The following SNRNP40 variants were observed in gnomAD, a reference collection of about 807,000 sequenced individuals.
The protein encoded by SNRNP40 is small nuclear ribonucleoprotein U5 subunit 40.
In SNRNP40, 21 loss-of-function variants were observed where a neutral mutation model predicts 45.8. That is an observed-to-expected ratio of 0.46 (90% CI 0.32 to 0.66). The LOEUF is 0.66. SNRNP40 is among the 30% of genes least tolerant of loss of function. SNRNP40 has a pLI of 0.03. For synonymous variants in SNRNP40, 142 were observed against 163.8 expected (o/e 0.87, Z 1.01); for missense variants, 344 against 439.1 (o/e 0.78, Z 1.94).
intron 8 of SNRNP40, among the ~76,000 whole-genome samples, chr1:31,264,154 T>C (rs1448220207): frequency 6.6e-6 from 1 of 152,164 alleles, no homozygotes; most frequent in Non-Finnish European, 1.5e-5. Flanking sequence ...GATTATAAAA[T>C]GCCTAGTTCT....
intron 5 of SNRNP40, among the ~76,000 whole-genome samples, chr1:31,273,116 A>G (rs1279979967): frequency 6.6e-6 from 1 of 152,308 alleles, no homozygotes; most frequent in South Asian, 2.1e-4. Context: ...TCATTTTTTT[A>G]TATCAAGATG....
intron 4 of SNRNP40, chr1:31,282,551 C>T (rs1026636550): frequency 6.0e-5 from 9 of 149,688 alleles, no homozygotes; most frequent in African/African-American, 2.0e-4. Context: ...CTCCCTCTGT[C>T]GCCTAGGCTA....
chr1:31,266,722 C>G (rs1480547657), intron 8 of SNRNP40, among the ~76,000 whole-genome samples: 1 of 152,226 alleles, frequency 6.6e-6, no homozygotes, highest in African/African-American at 2.4e-5. Flanking sequence ...AACCCAGACA[C>G]AGCTCTGAAT....
chr1:31,260,833 A>C, intron 9 of SNRNP40: 1 of 405,422 alleles, frequency 2.5e-6, no homozygotes, highest in Non-Finnish European at 3.6e-6. Flanking sequence ...ACTGCACTCC[A>C]GCCTGGGCGA....
chr1:31,292,019 T>C lies in SNRNP40; in HGVS notation c.272-13A>G, dbSNP rs899398219. 6.5e-7 allele frequency: 1 copy of C among 1,545,734 alleles called. No individual in the cohort carries two copies. The highest frequency in any genetic ancestry group is 1.7e-5 in the Admixed American group (1 of 59,920). ...ACATTCCACAGTACTGTTAGGGAGA[T>C]GGGTTCTGTGAGCATTACTAGGCAA... On this transcript the variant is annotated splice_polypyrimidine_tract_variant and intron_variant, in intron 2 of 9. Transcript: ENST00000263694.
At chr1:31,271,055 T>C (rs1645934526) in intron 6 of SNRNP40, among the ~76,000 whole-genome samples, 1 of 152,220 alleles carries the variant, frequency 6.6e-6, no homozygotes, top group Admixed American at 6.5e-5. Flanking sequence ...TTGAATAGAC[T>C]TCTAGATTCA....
intron 5 of SNRNP40, 38 bp downstream of exon 5, chr1:31,281,336 T>G: frequency 6.5e-7 from 1 of 1,527,412 alleles, no homozygotes; most frequent in Non-Finnish European, 9.0e-7. Flanking sequence ...TAAGTGCAGA[T>G]AGATGAAATG....
rs192599876 is a variant in SNRNP40, at chr1:31,281,500, A to C, written c.532-4T>G. The C allele has an allele frequency of 1.6e-4, 250 of 1,601,678 alleles. 1 individual carries two copies. The African/African-American group carries it at 3.0e-3, about 19-fold the overall frequency. On this transcript the variant is annotated splice_polypyrimidine_tract_variant and splice_region_variant and intron_variant, in intron 4 of 9. Transcript: ENST00000263694. ...CTTTCTTCCGGATGTCCCAAAGCTG[A>C]AGCAAAGGACAAGACAGTCTATCAG... is the stretch of plus-strand genomic sequence containing the variant.
At chr1:31,262,644 G>A (rs550133051) in intron 8 of SNRNP40, among the ~76,000 whole-genome samples, 4 of 151,202 alleles carry the variant, frequency 2.6e-5, no homozygotes, top group Admixed American at 6.6e-5. Flanking sequence ...CATCAACGGC[G>A]TAACTAAAAT....
intron 5 of SNRNP40, among the ~76,000 whole-genome samples, chr1:31,274,204 C>T (rs1380972597): frequency 1.3e-5 from 2 of 152,016 alleles, no homozygotes; most frequent in African/African-American, 4.8e-5. Flanking sequence ...ATGAGACATT[C>T]AGTTGTATAT....
intron 8 of SNRNP40, among the ~76,000 whole-genome samples, chr1:31,266,273 T>G (rs1383337261): frequency 2.0e-5 from 3 of 152,220 alleles, no homozygotes; most frequent in Non-Finnish European, 4.4e-5. Context: ...CTGAAAGCCC[T>G]GGCTAGCCCA....
At chr1:31,292,942 A>G in intron 2 of SNRNP40, 1 of 424,896 alleles carries the variant, frequency 2.4e-6, no homozygotes. Flanking sequence ...GTGCCTTGGT[A>G]AATTAGCTGG....
intron 3 of SNRNP40, among the ~76,000 whole-genome samples, chr1:31,290,038 C>T (rs748199381): frequency 2.0e-5 from 3 of 152,022 alleles, no homozygotes; most frequent in Non-Finnish European, 2.9e-5. Context: ...TTTTAAAAAT[C>T]ATTTGTAGAG....
chr1:31,286,564 T>G (rs1403476504), intron 4 of SNRNP40, among the ~76,000 whole-genome samples: 2 of 152,176 alleles, frequency 1.3e-5, no homozygotes, highest in African/African-American at 4.8e-5. Flanking sequence ...TCAGACTCCC[T>G]ACACCAAATC....
chr1:31,289,227 ACTG>A, intron 4 of SNRNP40, 24 bp downstream of exon 4: 1 of 1,609,040 alleles, frequency 6.2e-7, no homozygotes, highest in Non-Finnish European at 8.5e-7. Context: ...CACCTCAGAA[ACTG>A]GAACACGGAG....
intron 1 of SNRNP40, among the ~76,000 whole-genome samples, chr1:31,293,672 C>T (rs1646122272): frequency 6.6e-6 from 1 of 152,154 alleles, no homozygotes; most frequent in South Asian, 2.1e-4. Flanking sequence ...GCTTCAAACT[C>T]CTTGGCTCAA....
At chr1:31,263,913 TAAAAAAAAA>T (rs11419603) in intron 8 of SNRNP40, among the ~76,000 whole-genome samples, 1 of 107,008 alleles carries the variant, frequency 9.3e-6, no homozygotes, top group Non-Finnish European at 1.8e-5. Flanking sequence ...ATGTACTGGC[TAAAAAAAAA>T]AAAAAAAAAA....
At chr1:31,291,072 T>C (rs1646102840) in intron 3 of SNRNP40, among the ~76,000 whole-genome samples, 1 of 151,818 alleles carries the variant, frequency 6.6e-6, no homozygotes, top group African/African-American at 2.4e-5. Flanking sequence ...GCGGATCACC[T>C]GCGGTTGGGA....
chr1:31,277,285 CTG>C (rs1181791432), intron 5 of SNRNP40, among the ~76,000 whole-genome samples: 2 of 152,186 alleles, frequency 1.3e-5, no homozygotes. Flanking sequence ...AGGAAGTACA[CTG>C]TGAAATAGTA....
Sources: gnomAD v4.1 joint callset for allele counts (sites outside exome capture counted in the v4.1 genomes callset) on GRCh38, gnomAD v4.1.1 for gene constraint, MANE v1.5 for transcripts, NCBI Gene and HGNC (gene_info 2026-07-23, HGNC 2026-07-21) for gene names.